HS6ST3: variants seen among roughly 807,000 people sequenced by gnomAD.
The protein encoded by HS6ST3 is heparan-sulfate 6-O-sulfotransferase 3.
A neutral mutation model predicts 36.7 loss-of-function variants in HS6ST3; 12 were observed. The ratio of observed to expected loss-of-function variants is 0.33; its 90% CI spans 0.21 to 0.53. The LOEUF (loss-of-function observed/expected upper bound fraction) is 0.53, where lower values mean the gene tolerates loss of function less well. Among genes scored for constraint, HS6ST3 ranks in the 20% least tolerant of loss-of-function variants. The pLI is 0.95. For missense variants in HS6ST3, 584 were observed against 640.9 expected (o/e 0.91, Z 0.96); for synonymous variants, 240 against 257.5 (o/e 0.93, Z 0.65).
intron 1 of HS6ST3, among the ~76,000 whole-genome samples, chr13:96,535,231 G>A (rs780506081): frequency 1.3e-4 from 20 of 151,972 alleles, no homozygotes; most frequent in Non-Finnish European, 2.6e-4. Flanking sequence ...ATTCGTAGAA[G>A]ATTATTCTAT....
At chr13:96,475,599 A>C (rs2055859819) in intron 1 of HS6ST3, among the ~76,000 whole-genome samples, 2 of 147,810 alleles carry the variant, frequency 1.4e-5, no homozygotes. Context: ...TGCATTACCC[A>C]GCGGAGTACT....
chr13:96,550,800 A>T (rs974494159), intron 1 of HS6ST3, among the ~76,000 whole-genome samples: 1 of 152,132 alleles, frequency 6.6e-6, no homozygotes, highest in Non-Finnish European at 1.5e-5. Context: ...TTAAATGTTT[A>T]TGTTAATTTC....
chr13:96,616,259 A>T (rs755090328), intron 1 of HS6ST3, among the ~76,000 whole-genome samples: 1 of 152,180 alleles, frequency 6.6e-6, no homozygotes, highest in Admixed American at 6.5e-5. Flanking sequence ...TAATCCATAA[A>T]CTAGACAATT....
chr13:96,247,863 A>T (rs1193198619), intron 1 of HS6ST3, among the ~76,000 whole-genome samples: 1 of 152,124 alleles, frequency 6.6e-6, no homozygotes, highest in Admixed American at 6.6e-5. Flanking sequence ...TACTCAGTTA[A>T]TGTGAGGGTC....
intron 1 of HS6ST3, among the ~76,000 whole-genome samples, chr13:96,273,070 C>T (rs888957495): frequency 5.3e-5 from 8 of 151,844 alleles, no homozygotes; most frequent in African/African-American, 1.7e-4. Context: ...ATCTAAAGAT[C>T]CACGTAATAT....
At chr13:96,723,363 C>T (rs1207687511) in intron 1 of HS6ST3, among the ~76,000 whole-genome samples, 10 of 152,110 alleles carry the variant, frequency 6.6e-5, no homozygotes, top group Non-Finnish European at 1.5e-4. Flanking sequence ...CCTCGCCCTA[C>T]GCATGATGTA....
intron 1 of HS6ST3, among the ~76,000 whole-genome samples, chr13:96,793,342 C>T (rs933344417): frequency 6.6e-6 from 1 of 152,030 alleles, no homozygotes; most frequent in Non-Finnish European, 1.5e-5. Context: ...CTCACCATTC[C>T]AGCATCCATT....
At chr13:96,349,247 T>G (rs745739456) in intron 1 of HS6ST3, among the ~76,000 whole-genome samples, 3 of 152,238 alleles carry the variant, frequency 2.0e-5, no homozygotes, top group Non-Finnish European at 4.4e-5. Context: ...AACAACTTGT[T>G]CTGAAGTTTT....
rs372372192 is a variant in HS6ST3 at position 96,174,052 on chromosome 13, A to C, written c.707+82483A>C. Among the ~76,000 whole-genome samples the C allele has an allele frequency of 1.2e-4, 18 of 152,304 alleles. No individual in the cohort carries two copies. In the East Asian group the frequency reaches 3.5e-3, roughly 29 times the overall value. ...CTTTTAACAGATAGGAACAGTTGTCAGTTCCTTGGTGCTCTGGGAAACAGG... is the reference window on the plus strand; with the variant it reads ...CTTTTAACAGATAGGAACAGTTGTCCGTTCCTTGGTGCTCTGGGAAACAGG... On this transcript the variant is annotated intron_variant, in intron 1 of 1. Coordinates refer to ENST00000376705, the MANE Select transcript of HS6ST3 (RefSeq NM_153456.4).
chr13:96,784,823 A>G (rs559141632), intron 1 of HS6ST3, among the ~76,000 whole-genome samples: 25 of 152,312 alleles, frequency 1.6e-4, no homozygotes, highest in African/African-American at 5.8e-4. Flanking sequence ...AATGTTCCTC[A>G]TAAAAATATA....
chr13:96,768,174 C>T (rs1270394299), intron 1 of HS6ST3, among the ~76,000 whole-genome samples: 1 of 152,164 alleles, frequency 6.6e-6, no homozygotes, highest in Non-Finnish European at 1.5e-5. Context: ...TAGCTCCAAC[C>T]TCCTCCTCTC....
chr13:96,266,081 A>G (rs2054691015), intron 1 of HS6ST3, among the ~76,000 whole-genome samples: 1 of 152,114 alleles, frequency 6.6e-6, no homozygotes, highest in African/African-American at 2.4e-5. Flanking sequence ...CACCATAGCA[A>G]TGCTTAGCAA....
chr13:96,207,162 TC>T lies in HS6ST3; in HGVS notation c.707+115594del, dbSNP rs545873598. Reference sequence around the variant, plus strand: ...TGGACAAAGGACATAAATGGACACTTCTCAAAAGAAGACATACATGTGGCCA... The same window carrying T: ...TGGACAAAGGACATAAATGGACACTTTCAAAAGAAGACATACATGTGGCCA... On this transcript the variant is annotated intron_variant, in intron 1 of 1. Coordinates refer to ENST00000376705, the MANE Select transcript of HS6ST3 (RefSeq NM_153456.4). Among the ~76,000 whole-genome samples, 12 of 152,106 alleles carry T rather than the reference TC, an allele frequency of 7.9e-5. No homozygotes were observed. In the East Asian group the frequency reaches 2.3e-3, roughly 29 times the overall value.
intron 1 of HS6ST3, among the ~76,000 whole-genome samples, chr13:96,747,506 T>C (rs1268875189): frequency 1.3e-5 from 2 of 152,142 alleles, no homozygotes; most frequent in Non-Finnish European, 2.9e-5. Context: ...TTTAAAAGTA[T>C]TACTATCCCA....
At chr13:96,228,925 G>A (rs1252911902) in intron 1 of HS6ST3, among the ~76,000 whole-genome samples, 2 of 152,182 alleles carry the variant, frequency 1.3e-5, no homozygotes, top group African/African-American at 2.4e-5. Flanking sequence ...ACAGAGGAAT[G>A]TGCGTGTAGG....
At position 96,442,662 on chromosome 13, in the gene HS6ST3, A is replaced by G. The variant is rs1052930965; in HGVS notation, c.707+351093A>G. Among the ~76,000 whole-genome samples, 57 of 152,102 alleles carry G rather than the reference A, an allele frequency of 3.7e-4. 2 individuals are homozygous for G. Among genetic ancestry groups the G allele is most frequent in the Non-Finnish European group, 1.5e-5 (1 of 68,024 alleles). ...TCCAAGGGAGAAGCAAAACTGCAGG[A>G]TGACATTTCTGTAGCACACCTAGGG... On this transcript the variant is annotated intron_variant, in intron 1 of 1. Coordinates refer to ENST00000376705, the MANE Select transcript of HS6ST3 (RefSeq NM_153456.4).
intron 1 of HS6ST3, among the ~76,000 whole-genome samples, chr13:96,416,504 T>C (rs574655824): frequency 2.6e-5 from 4 of 152,316 alleles, no homozygotes; most frequent in African/African-American, 9.6e-5. Context: ...TTGCTATTAT[T>C]GATCATCTCT....
In HS6ST3 at chr13:96,647,238, A is replaced by T. The variant is rs189753624; in HGVS notation, c.708-185252A>T. Among the ~76,000 whole-genome samples, 740 of 152,130 alleles carry T rather than the reference A, an allele frequency of 4.9e-3. 2 individuals are homozygous for T. Among genetic ancestry groups the T allele is most frequent in the Non-Finnish European group, 8.2e-3 (559 of 67,944 alleles). Reference sequence around the variant, plus strand: ...CAAATACATTTATGAGAATAATGAGACTGTTCTGGAAAATTCTAGAAATAT... The same window carrying T: ...CAAATACATTTATGAGAATAATGAGTCTGTTCTGGAAAATTCTAGAAATAT... On this transcript the variant is annotated intron_variant, in intron 1 of 1. Coordinates refer to ENST00000376705, the MANE Select transcript of HS6ST3 (RefSeq NM_153456.4).
At chr13:96,359,298 T>C (rs1241351628) in intron 1 of HS6ST3, among the ~76,000 whole-genome samples, 1 of 152,194 alleles carries the variant, frequency 6.6e-6, no homozygotes, top group Non-Finnish European at 1.5e-5. Flanking sequence ...GTATCTTTAA[T>C]GAGATTGTTT....
Sources: allele counts gnomAD v4.1 joint callset (sites outside exome capture counted in the v4.1 genomes callset), GRCh38; gene constraint gnomAD v4.1.1; transcripts MANE v1.5; gene names NCBI Gene and HGNC (gene_info 2026-07-23, HGNC 2026-07-21).